RASSF8: variants seen among roughly 807,000 people sequenced by gnomAD.
RASSF8 encodes the protein Ras association domain family member 8.
Under a neutral mutation model 48.5 loss-of-function variants are expected in RASSF8, and 22 were observed. The ratio of observed to expected loss-of-function variants is 0.45; its 90% CI spans 0.32 to 0.65. The LOEUF (loss-of-function observed/expected upper bound fraction) is 0.65, where lower values mean the gene tolerates loss of function less well. Ranked by LOEUF, RASSF8 falls within the 30% of genes least tolerant of loss-of-function variation. The pLI is 0.03. For missense variants in RASSF8, 418 were observed against 489.2 expected, an observed-to-expected ratio of 0.85 and a Z score of 1.37; for synonymous variants, 127 against 171.5, an observed-to-expected ratio of 0.74 and a Z score of 2.03.
chr12:26,075,904 A>G (rs1445270561), downstream of RASSF8, among the ~76,000 whole-genome samples: 2 of 152,144 alleles, frequency 1.3e-5, no homozygotes, highest in Non-Finnish European at 2.9e-5. Context: ...TGTGACAGTC[A>G]TTGGGCACAG....
downstream of RASSF8, among the ~76,000 whole-genome samples, chr12:26,077,829 A>G (rs1944085346): frequency 6.6e-6 from 1 of 152,170 alleles, no homozygotes; most frequent in African/African-American, 2.4e-5. Flanking sequence ...ACATTTTTCT[A>G]CTGGGAAATC....
rs1007051877 is a variant in RASSF8, at chr12:25,962,015, C to G, written c.-203+2867C>G. Among the ~76,000 whole-genome samples, 4 of 152,098 alleles carry G rather than the reference C, an allele frequency of 2.6e-5. No homozygotes were observed. In the East Asian group the frequency reaches 7.7e-4, roughly 29 times the overall value. ...CTTGGTGCGGTGCCTCCTGCACACA[C>G]TCTGCACCCCTTGCAGTCTGTTTTA... On this transcript the variant is annotated intron_variant, in intron 1 of 5. Coordinates refer to ENST00000689635, the MANE Select transcript of RASSF8 (RefSeq NM_001394098.1).
chr12:25,981,544 G>T (rs1941744787), intron 1 of RASSF8, among the ~76,000 whole-genome samples: 1 of 152,178 alleles, frequency 6.6e-6, no homozygotes, highest in African/African-American at 2.4e-5. Flanking sequence ...GCCATACAGG[G>T]TTATTCTCAG....
intron 2 of RASSF8, among the ~76,000 whole-genome samples, chr12:26,030,678 C>T (rs1005151106): frequency 3.3e-5 from 5 of 150,766 alleles, no homozygotes; most frequent in Non-Finnish European, 5.9e-5. Flanking sequence ...TAGACATCCC[C>T]GAAGTTATCT....
intron 2 of RASSF8, among the ~76,000 whole-genome samples, chr12:26,001,408 CTA>C (rs1212941914): frequency 1.3e-5 from 2 of 151,934 alleles, no homozygotes; most frequent in Non-Finnish European, 2.9e-5. Context: ...CCTTAGCTTA[CTA>C]TATAACTTTT....
chr12:26,064,542 GAA>G lies in RASSF8; in HGVS notation c.150_151del (p.Arg51ThrfsTer6). 1.2e-6 allele frequency: 2 copies of G among 1,608,282 alleles called. No homozygotes were observed. Among genetic ancestry groups the G allele is most frequent in the Non-Finnish European group, 1.7e-6 (2 of 1,176,774 alleles). On this transcript the variant is annotated frameshift_variant, in exon 4 of 6. Transcript: ENST00000689635. LOFTEE classifies it high-confidence loss of function. Reference sequence around the variant, plus strand: ...CCTTATAGAGAAATGGAGAGATACTGAAAGACACTTAGCACCTCATGAAAATC... The same window carrying G: ...CCTTATAGAGAAATGGAGAGATACTGAGACACTTAGCACCTCATGAAAATC... The part of the protein sequence containing the change: ...YTLIEKWRDT[E>X]RHLAPHENPI...
intron 2 of RASSF8, among the ~76,000 whole-genome samples, chr12:25,999,640 AT>A (rs1176484420): frequency 6.6e-5 from 10 of 152,180 alleles, no homozygotes; most frequent in Admixed American, 6.5e-4. Flanking sequence ...AGGTGGGAGG[AT>A]TACACCACTG....
At chr12:26,035,945 TTTTA>T (rs1943141988) in intron 2 of RASSF8, among the ~76,000 whole-genome samples, 1 of 146,752 alleles carries the variant, frequency 6.8e-6, no homozygotes, top group South Asian at 2.1e-4. Flanking sequence ...TTTCATATAT[TTTTA>T]TATATTATAT....
At chr12:26,005,166 T>G (rs566106621) in intron 2 of RASSF8, among the ~76,000 whole-genome samples, 4,537 of 114,126 alleles carry the variant, frequency 0.04, 80 homozygotes, top group Non-Finnish European at 0.058. Flanking sequence ...ACGGATGGGG[T>G]GTGTGTGTGT....
Position 26,071,064 on chromosome 12 carries a change from T to A in RASSF8, c.*2246T>A, listed in dbSNP as rs1943989246. 1.0e-6 allele frequency: 1 copy of A among 983,386 alleles called. No individual in the cohort carries two copies. Among genetic ancestry groups the A allele is most frequent in the East Asian group, 1.1e-4 (1 of 8,798 alleles). The allele number at this position is 983,386 out of a possible 1,614,324, so 60.9% of individuals were successfully genotyped here. ...AGACCTAATTACAGATTTAAAAAAA[T>A]TTCCTAGGCGACGAAAGTATAGAAA... On this transcript the variant is annotated 3_prime_UTR_variant, in exon 6 of 6. Coordinates refer to ENST00000689635, the MANE Select transcript of RASSF8 (RefSeq NM_001394098.1).
intron 2 of RASSF8, among the ~76,000 whole-genome samples, chr12:26,022,328 C>A (rs749443432): frequency 3.3e-5 from 5 of 152,100 alleles, no homozygotes; most frequent in Non-Finnish European, 7.4e-5. Flanking sequence ...AAATAGACTT[C>A]CCAAAATAGT....
rs1172940735 is a variant in RASSF8 at position 26,065,374 on chromosome 12, C to A, written c.980C>A (p.Thr327Asn). 1.9e-6 allele frequency: 3 copies of A among 1,610,862 alleles called. No individual in the cohort carries two copies. The African/African-American group carries it at 4.0e-5, about 22-fold the overall frequency. Residue 327 changes from threonine to asparagine, a missense_variant, in exon 4 of 6, where the codon ACC (threonine) becomes AAC (asparagine). By Grantham distance (65) the Thr-to-Asn change is moderately conservative. Transcript: ENST00000689635. ...KAVERSLGQA[T>N]KRLQDKEQEL... ...GTGGAAAGATCTCTTGGACAAGCCA[C>A]CAAACGCTTACAGGTAGGGACACTT... is the stretch of plus-strand genomic sequence containing the variant.
At chr12:25,971,567 A>G (rs1941485534) in intron 1 of RASSF8, among the ~76,000 whole-genome samples, 1 of 149,908 alleles carries the variant, frequency 6.7e-6, no homozygotes, top group Non-Finnish European at 1.5e-5. Context: ...TTCATTTCAT[A>G]TGGAAAAAAA....
At position 25,969,418 on chromosome 12, in the gene RASSF8, A is replaced by C. The variant is rs975945119; in HGVS notation, c.-203+10270A>C. 2.6e-5 allele frequency among the ~76,000 whole-genome samples: 4 copies of C among 152,314 alleles called. No homozygotes were observed. In the East Asian group the frequency reaches 7.7e-4, roughly 29 times the overall value. On this transcript the variant is annotated intron_variant, in intron 1 of 5. Coordinates refer to ENST00000689635, the MANE Select transcript of RASSF8 (RefSeq NM_001394098.1). ...AGTTAATATTTGTGAAGAACAGAGC[A>C]TGGCAGATAGTATTATAAAAGTGTT...
intron 1 of RASSF8, among the ~76,000 whole-genome samples, chr12:25,983,936 C>T (rs56150171): frequency 0.012 from 1,801 of 152,312 alleles, 22 homozygotes; most frequent in Middle Eastern, 0.031. Flanking sequence ...AATGAACTAC[C>T]AGTTCGTGCA....
intron 2 of RASSF8, among the ~76,000 whole-genome samples, chr12:26,035,866 A>G (rs1460316413): frequency 7.0e-6 from 1 of 142,886 alleles, no homozygotes; most frequent in Non-Finnish European, 1.5e-5. Flanking sequence ...AATATAATAA[A>G]ATTATATATT....
intron 2 of RASSF8, among the ~76,000 whole-genome samples, chr12:26,025,159 A>G (rs192826770): frequency 7.2e-5 from 11 of 152,302 alleles, no homozygotes; most frequent in Non-Finnish European, 1.5e-4. Flanking sequence ...AAAAGACTGA[A>G]TGCTTTCTCC....
intron 2 of RASSF8, among the ~76,000 whole-genome samples, chr12:25,997,267 A>G (rs147233184): frequency 4.1e-4 from 62 of 152,270 alleles, no homozygotes; most frequent in African/African-American, 1.4e-3. Flanking sequence ...CCCCCTTTCT[A>G]GTACCTTCCC....
intron 2 of RASSF8, among the ~76,000 whole-genome samples, chr12:26,035,759 A>G (rs1943133780): frequency 6.9e-6 from 1 of 145,034 alleles, no homozygotes; most frequent in Non-Finnish European, 1.5e-5. Context: ...TATAATACAT[A>G]TATCACTATA....
Sources: gnomAD v4.1 joint callset for allele counts (sites outside exome capture counted in the v4.1 genomes callset) on GRCh38, gnomAD v4.1.1 for gene constraint, MANE v1.5 for transcripts, NCBI Gene and HGNC (gene_info 2026-07-23, HGNC 2026-07-21) for gene names.